The following NXPE4 variants were observed in gnomAD, a reference collection of about 807,000 sequenced individuals.
NXPE4 encodes NXPE family member 4.
A neutral mutation model predicts 33.3 loss-of-function variants in NXPE4; 42 were observed. The observed-to-expected ratio is 1.26, with a 90% CI of 0.98 to 1.63. The LOEUF (loss-of-function observed/expected upper bound fraction) is 1.63. Ranked by LOEUF, NXPE4 falls within the 40% of genes most tolerant of loss-of-function variation. The pLI, the probability that NXPE4 is intolerant of heterozygous loss-of-function variation, is 0.00. For missense variants in NXPE4, 709 were observed against 647.6 expected (o/e 1.09, Z -1.03); for synonymous variants, 253 against 234.9 (o/e 1.08, Z -0.71).
intron 5 of NXPE4, among the ~76,000 whole-genome samples, chr11:114,575,293 G>A (rs1159836669): frequency 2.6e-5 from 4 of 152,050 alleles, no homozygotes; most frequent in Admixed American, 2.6e-4. Flanking sequence ...AGACAAGAAT[G>A]CCCATTCTCA....
At chr11:114,604,734 G>A in the NXPE4 span, among the ~76,000 whole-genome samples, 5 of 151,326 alleles carry the variant, frequency 3.3e-5, no homozygotes, top group African/African-American at 4.9e-5. Flanking sequence ...ACTGTTACTC[G>A]GTGGATAATA....
chr11:114,663,660 T>TATC, the NXPE4 span, among the ~76,000 whole-genome samples: 6 of 132,724 alleles, frequency 4.5e-5, no homozygotes, highest in South Asian at 5.0e-4. Context: ...ATCATCTATT[T>TATC]ATCTATCATC....
At chr11:114,630,457 AC>A in the NXPE4 span, among the ~76,000 whole-genome samples, 1 of 151,810 alleles carries the variant, frequency 6.6e-6, no homozygotes, top group Non-Finnish European at 1.5e-5. Flanking sequence ...TGCTGGGAAA[AC>A]TGGCTAGCCA....
At chr11:114,675,989 C>G in the NXPE4 span, among the ~76,000 whole-genome samples, 1 of 151,808 alleles carries the variant, frequency 6.6e-6, no homozygotes, top group Admixed American at 6.6e-5. Flanking sequence ...GCCAAAAGCA[C>G]ACAATGGAGA....
the NXPE4 span, among the ~76,000 whole-genome samples, chr11:114,637,840 G>A: frequency 9.9e-5 from 15 of 152,026 alleles, no homozygotes; most frequent in African/African-American, 3.4e-4. Flanking sequence ...TCTGCTGTTA[G>A]TCTGATGGGC....
the NXPE4 span, among the ~76,000 whole-genome samples, chr11:114,668,779 T>G: frequency 3.9e-5 from 6 of 152,108 alleles, no homozygotes; most frequent in Admixed American, 2.0e-4. Flanking sequence ...TAGGACAGCA[T>G]TTTTGGAATG....
chr11:114,621,730 G>A, the NXPE4 span, among the ~76,000 whole-genome samples: 2 of 151,998 alleles, frequency 1.3e-5, no homozygotes, highest in African/African-American at 4.8e-5. Flanking sequence ...TTGCCCTGTG[G>A]GTAACCACGG....
the NXPE4 span, among the ~76,000 whole-genome samples, chr11:114,641,988 G>A: frequency 6.6e-6 from 1 of 151,984 alleles, no homozygotes; most frequent in African/African-American, 2.4e-5. Flanking sequence ...CAATTGATGA[G>A]AAGATAAATT....
intron 2 of NXPE4, 178 bp from the exon 3 acceptor site, chr11:114,583,199 G>A (rs1442039971): frequency 3.9e-6 from 3 of 775,642 alleles, no homozygotes; most frequent in Non-Finnish European, 6.1e-6. Context: ...CAATAAAAAG[G>A]CATAGAATGG....
At chr11:114,632,339 G>C in the NXPE4 span, among the ~76,000 whole-genome samples, 9 of 130,182 alleles carry the variant, frequency 6.9e-5, no homozygotes, top group East Asian at 1.7e-3. Flanking sequence ...TAACATAATA[G>C]AATATATAAT....
chr11:114,591,653 T>C (rs778551085), intron 2 of NXPE4, among the ~76,000 whole-genome samples: 50 of 152,148 alleles, frequency 3.3e-4, no homozygotes, highest in Non-Finnish European at 6.2e-4. Flanking sequence ...AGTCAGAATA[T>C]GGCAAGCTGT....
At chr11:114,594,485 C>G (rs1949533554) in intron 2 of NXPE4, among the ~76,000 whole-genome samples, 179 bp downstream of exon 2, 1 of 152,178 alleles carries the variant, frequency 6.6e-6, no homozygotes, top group African/African-American at 2.4e-5. Flanking sequence ...TGTGAACACA[C>G]ACACAGTATT....
intron 3 of NXPE4, 63 bp from the exon 4 acceptor site, chr11:114,581,849 C>A: frequency 1.8e-6 from 2 of 1,091,218 alleles, no homozygotes; most frequent in South Asian, 2.7e-5. Context: ...CATACAGAAA[C>A]TAGATTATCC....
At chr11:114,590,880 A>C (rs1159364976) in intron 2 of NXPE4, among the ~76,000 whole-genome samples, 2 of 152,188 alleles carry the variant, frequency 1.3e-5, no homozygotes, top group African/African-American at 4.8e-5. Flanking sequence ...ACCTTTGGCT[A>C]ACAGTCCGTT....
intron 5 of NXPE4, among the ~76,000 whole-genome samples, chr11:114,576,364 A>G (rs1046663534): frequency 6.6e-6 from 1 of 152,124 alleles, no homozygotes; most frequent in Non-Finnish European, 1.5e-5. Flanking sequence ...ACTTAATTAA[A>G]CTAAAAACTT....
At chr11:114,663,622 T>TATC in the NXPE4 span, among the ~76,000 whole-genome samples, 3 of 96,994 alleles carry the variant, frequency 3.1e-5, no homozygotes, top group Non-Finnish European at 6.7e-5. Flanking sequence ...TCTATCTATC[T>TATC]ATCTATCTAT....
chr11:114,635,856 A>G, the NXPE4 span, among the ~76,000 whole-genome samples: 1 of 152,048 alleles, frequency 6.6e-6, no homozygotes, highest in Non-Finnish European at 1.5e-5. Context: ...GTGTTGCTGT[A>G]TTCGGTTTGC....
At chr11:114,609,089 TAA>T in the NXPE4 span, among the ~76,000 whole-genome samples, 1 of 151,942 alleles carries the variant, frequency 6.6e-6, no homozygotes. Flanking sequence ...CGGTGGATAA[TAA>T]GTGTTGCCTC....
chr11:114,621,054 C>T, the NXPE4 span, among the ~76,000 whole-genome samples: 8 of 152,212 alleles, frequency 5.3e-5, no homozygotes, highest in Admixed American at 2.0e-4. Flanking sequence ...AGTGTTGCCT[C>T]GTTGGTAACC....
Sources: allele counts gnomAD v4.1 joint callset (sites outside exome capture counted in the v4.1 genomes callset), GRCh38; gene constraint gnomAD v4.1.1; transcripts MANE v1.5; gene names NCBI Gene and HGNC (gene_info 2026-07-23, HGNC 2026-07-21).